The following ETNPPL variants were observed in gnomAD, a reference collection of about 807,000 sequenced individuals.
ETNPPL encodes the protein alanine--glyoxylate aminotransferase 2-like 1.
ETNPPL carries 30 observed loss-of-function variants against 55.5 expected under a neutral mutation model. That is an observed-to-expected ratio of 0.54 (90% CI 0.40 to 0.73). The LOEUF (loss-of-function observed/expected upper bound fraction) is 0.73, where lower values mean the gene tolerates loss of function less well. Ranked by LOEUF, ETNPPL falls within the 30% of genes least tolerant of loss-of-function variation. ETNPPL has a pLI of 0.00. For missense variants in ETNPPL, 528 were observed against 607.9 expected (o/e 0.87, Z 1.38); for synonymous variants, 202 against 207.2 (o/e 0.98, Z 0.21).
chr4:108,752,797 A>G (rs948896482), intron 6 of ETNPPL, 98 bp downstream of exon 6: 39 of 725,018 alleles, frequency 5.4e-5, no homozygotes, highest in Non-Finnish European at 8.4e-5. Context: ...AGAAAGGGAC[A>G]TTAGATATAA....
At chr4:108,754,880 C>A in intron 4 of ETNPPL, 170 bp from the exon 5 acceptor site, 2 of 562,278 alleles carry the variant, frequency 3.6e-6, no homozygotes, top group South Asian at 2.4e-5. Context: ...GCAAGACTGG[C>A]CCTTAATGTG....
intron 6 of ETNPPL, among the ~76,000 whole-genome samples, chr4:108,751,237 G>A (rs928690037): frequency 6.6e-6 from 1 of 152,174 alleles, no homozygotes; most frequent in Non-Finnish European, 1.5e-5. Context: ...TACCAATAAA[G>A]CTACCATGAG....
At chr4:108,753,366 T>C (rs573538155) in intron 5 of ETNPPL, among the ~76,000 whole-genome samples, 2 of 152,212 alleles carry the variant, frequency 1.3e-5, no homozygotes, top group Non-Finnish European at 2.9e-5. Context: ...CGATCAACTA[T>C]ATTGCAAATC....
At chr4:108,751,590 G>A (rs1578385431) in intron 6 of ETNPPL, among the ~76,000 whole-genome samples, 1 of 152,320 alleles carries the variant, frequency 6.6e-6, no homozygotes, top group East Asian at 1.9e-4. Flanking sequence ...ACTAAGAAAA[G>A]AGAAGTAGGA....
chr4:108,763,036 G>A lies in ETNPPL; in HGVS notation c.-138C>T. On this transcript the variant is annotated 5_prime_UTR_variant, in exon 1 of 13. Coordinates refer to ENST00000296486, the MANE Select transcript of ETNPPL (RefSeq NM_031279.4). ...CTGGCGTTCTCTTGCCCGGGGCGTC[G>A]GAGGTCACCGGTGGCGTCAACTAGC... The A allele has an allele frequency of 4.2e-6, 3 of 713,914 alleles. No individual in the cohort carries two copies. Among genetic ancestry groups the A allele is most frequent in the Non-Finnish European group, 7.2e-6 (3 of 416,632 alleles). 44.2% of individuals were successfully genotyped at this position (713,914 alleles called of 1,614,324 possible). A position where few individuals can be genotyped will look rare whatever the true frequency, so the allele number is the denominator to read the frequency against.
Position 108,742,418 on chromosome 4 carries a change from G to C in ETNPPL, c.*66C>G, listed in dbSNP as rs1460121744. ...TAGAGGTATAATAGAGCTATTAACC[G>C]ATGAGACACATCTACTCATTCTCTG... On this transcript the variant is annotated 3_prime_UTR_variant, in exon 13 of 13. Transcript: ENST00000296486. 1 of 1,541,212 alleles carries C rather than the reference G, an allele frequency of 6.5e-7. No homozygotes were observed. The highest frequency in any genetic ancestry group is 1.7e-5 in the Admixed American group (1 of 59,334).
rs28523754 is a variant in ETNPPL, at chr4:108,756,383, G to C, written c.410+35C>G. ...TCAATACAATTTTGTCTCTGAAGAA[G>C]CTTCTTGCTTAAAAATCTTGTGTCC... On this transcript the variant is annotated intron_variant, in intron 4 of 12. Coordinates refer to ENST00000296486, the MANE Select transcript of ETNPPL (RefSeq NM_031279.4). 2.1e-3 allele frequency: 3,132 copies of C among 1,492,438 alleles called. 65 individuals are homozygous for C. In the African/African-American group the frequency reaches 0.038, roughly 18 times the overall value. 92.4% of individuals were successfully genotyped at this position (1,492,438 alleles called of 1,614,324 possible).
chr4:108,747,922 G>A (rs187213390), intron 9 of ETNPPL, 83 bp downstream of exon 9: 1 of 1,170,566 alleles, frequency 8.5e-7, no homozygotes, highest in East Asian at 2.5e-5. Context: ...TAGAGACGGG[G>A]TCTCACCATG....
At chr4:108,759,674 A>G in intron 3 of ETNPPL, 75 bp downstream of exon 3, 1 of 1,483,252 alleles carries the variant, frequency 6.7e-7, no homozygotes, top group Non-Finnish European at 9.3e-7. Context: ...ACCATGAATC[A>G]AAAGGAAAGA....
intron 11 of ETNPPL, among the ~76,000 whole-genome samples, chr4:108,745,046 A>G (rs1728403645): frequency 6.6e-6 from 1 of 152,190 alleles, no homozygotes; most frequent in African/African-American, 2.4e-5. Flanking sequence ...TTGTAAAAAT[A>G]TAACTAAAGC....
chr4:108,745,318 C>T (rs143403330), intron 11 of ETNPPL, among the ~76,000 whole-genome samples: 32 of 151,982 alleles, frequency 2.1e-4, no homozygotes, highest in Non-Finnish European at 3.4e-4. Context: ...AAATTAAGGC[C>T]GGGTGCAGTG....
At chr4:108,744,866 C>T (rs982859631) in intron 11 of ETNPPL, among the ~76,000 whole-genome samples, 14 of 151,950 alleles carry the variant, frequency 9.2e-5, no homozygotes, top group Admixed American at 5.2e-4. Flanking sequence ...TACAGGCGCA[C>T]GCACCACCAT....
In ETNPPL at chr4:108,759,400, CAAAA is replaced by C. The variant is rs59227589; in HGVS notation, c.335+345_335+348del. ...TGAGCGACAGAGCAAGGCTCCATCT[CAAAA>C]AAAAAAAAAAAAAAAAAAAAGTTTT... On this transcript the variant is annotated intron_variant, in intron 3 of 12. Coordinates refer to ENST00000296486, the MANE Select transcript of ETNPPL (RefSeq NM_031279.4). Among the ~76,000 whole-genome samples, 141 of 70,276 alleles carry C rather than the reference CAAAA, an allele frequency of 2.0e-3. No homozygotes were observed. In the South Asian group the frequency reaches 0.026, roughly 13 times the overall value. 46.1% of individuals were successfully genotyped at this position (70,276 alleles called of 152,430 possible). A position where few individuals can be genotyped will look rare whatever the true frequency, so the allele number is the denominator to read the frequency against.
At chr4:108,755,043 T>C (rs1729131731) in intron 4 of ETNPPL, among the ~76,000 whole-genome samples, 2 of 152,246 alleles carry the variant, frequency 1.3e-5, no homozygotes, top group Admixed American at 6.5e-5. Flanking sequence ...TATATCCTCA[T>C]GCAATACTTT....
intron 4 of ETNPPL, 58 bp downstream of exon 4, chr4:108,756,360 A>G (rs1447390809): frequency 8.8e-7 from 1 of 1,133,452 alleles, no homozygotes; most frequent in Non-Finnish European, 1.3e-6. Context: ...GGATAGGATC[A>G]ATACAATTTT....
chr4:108,745,016 T>C (rs932559740), intron 11 of ETNPPL, among the ~76,000 whole-genome samples: 3 of 152,282 alleles, frequency 2.0e-5, no homozygotes, highest in Admixed American at 2.0e-4. Context: ...TATAGGCATG[T>C]GCTGCCATGC....
At chr4:108,762,777 C>G (rs549746902) in intron 1 of ETNPPL, 66 bp downstream of exon 1, 34 of 1,563,386 alleles carry the variant, frequency 2.2e-5, no homozygotes, top group Non-Finnish European at 2.7e-5. Context: ...CCGGCTTTCT[C>G]TCTCCACCTT....
intron 4 of ETNPPL, among the ~76,000 whole-genome samples, chr4:108,755,962 C>T (rs73840705): frequency 0.081 from 12,381 of 152,262 alleles, 1,130 homozygotes; most frequent in African/African-American, 0.22. Flanking sequence ...AGTTTTAAAT[C>T]TTACGTGGCT....
chr4:108,747,969 A>G (rs763919863), intron 9 of ETNPPL, 36 bp downstream of exon 9: 6 of 1,550,360 alleles, frequency 3.9e-6, no homozygotes, highest in Non-Finnish European at 5.3e-6. Flanking sequence ...TTTGAAAAAA[A>G]TGAGTAACTA....
Sources: gnomAD v4.1 joint callset for allele counts (sites outside exome capture counted in the v4.1 genomes callset) on GRCh38, gnomAD v4.1.1 for gene constraint, MANE v1.5 for transcripts, NCBI Gene and HGNC (gene_info 2026-07-23, HGNC 2026-07-21) for gene names.